ROBO1: variants seen among roughly 807,000 people sequenced by gnomAD.
ROBO1 encodes roundabout homolog 1.
ROBO1 carries 149 observed loss-of-function variants against 195.9 expected under a neutral mutation model. The observed-to-expected ratio is 0.76, with a 90% CI of 0.67 to 0.87. The LOEUF (loss-of-function observed/expected upper bound fraction) is 0.87. Ranked by LOEUF, ROBO1 falls within the 40% of genes least tolerant of loss-of-function variation. The pLI, the probability that ROBO1 is intolerant of heterozygous loss-of-function variation, is 0.00. For missense variants in ROBO1, 1,933 were observed against 2,068.3 expected (o/e 0.93, Z 1.27); for synonymous variants, 816 against 733.2 (o/e 1.11, Z -1.82).
intron 4 of ROBO1, among the ~76,000 whole-genome samples, chr3:78,864,992 T>G (rs1480826349): frequency 6.6e-6 from 1 of 152,194 alleles, no homozygotes; most frequent in Non-Finnish European, 1.5e-5. Flanking sequence ...TTGGTGGCAA[T>G]ATCTTTACTA....
intron 2 of ROBO1, among the ~76,000 whole-genome samples, chr3:79,425,813 C>T (rs2038422923): frequency 6.6e-6 from 1 of 152,032 alleles, no homozygotes; most frequent in African/African-American, 2.4e-5. Flanking sequence ...TCCCTAGCTA[C>T]AAATTGGAAT....
At chr3:78,830,737 G>A (rs772974597) in intron 4 of ROBO1, among the ~76,000 whole-genome samples, 1 of 152,110 alleles carries the variant, frequency 6.6e-6, no homozygotes, top group African/African-American at 2.4e-5. Context: ...TGAATTAGTA[G>A]AGGCAACAGG....
chr3:79,693,173 AAT>A (rs1440055440), intron 1 of ROBO1, among the ~76,000 whole-genome samples: 3 of 151,960 alleles, frequency 2.0e-5, no homozygotes, highest in African/African-American at 4.8e-5. Flanking sequence ...TGTACGAGAT[AAT>A]ATATGTGTAT....
chr3:79,366,262 G>T (rs1457449760), intron 2 of ROBO1, among the ~76,000 whole-genome samples: 2 of 152,134 alleles, frequency 1.3e-5, no homozygotes, highest in African/African-American at 4.8e-5. Flanking sequence ...AAGTTTTGCT[G>T]TTTATTACTC....
intron 2 of ROBO1, among the ~76,000 whole-genome samples, chr3:79,550,588 T>C (rs1942474675): frequency 6.6e-6 from 1 of 152,246 alleles, no homozygotes; most frequent in Non-Finnish European, 1.5e-5. Flanking sequence ...ACTTTCTTCC[T>C]AAGATTGGCT....
At chr3:79,457,656 T>C (rs2039662264) in intron 2 of ROBO1, among the ~76,000 whole-genome samples, 2 of 152,248 alleles carry the variant, frequency 1.3e-5, no homozygotes, top group East Asian at 1.9e-4. Context: ...GCTGCTGTCA[T>C]GATCTTGAAT....
intron 1 of ROBO1, among the ~76,000 whole-genome samples, chr3:79,666,210 G>T (rs1946471880): frequency 6.6e-6 from 1 of 151,788 alleles, no homozygotes; most frequent in Non-Finnish European, 1.5e-5. Flanking sequence ...ATACAATCTG[G>T]CTAGAAATAA....
rs190874659 is a variant in ROBO1 at position 79,415,738 on chromosome 3, C to T, written c.88+174086G>A. On this transcript the variant is annotated intron_variant, in intron 2 of 30. Coordinates refer to ENST00000464233, the MANE Select transcript of ROBO1 (RefSeq NM_002941.4). Reference sequence around the variant, plus strand: ...GGAAGCAGGAAGACCAGTTAGAAGACCATCTGATTATTTAGGTGAAAAAAT... The same window carrying T: ...GGAAGCAGGAAGACCAGTTAGAAGATCATCTGATTATTTAGGTGAAAAAAT... 4.7e-4 allele frequency among the ~76,000 whole-genome samples: 72 copies of T among 152,112 alleles called. No homozygotes were observed. In the East Asian group the frequency reaches 9.3e-3, roughly 20 times the overall value.
chr3:78,980,860 G>C (rs144496396), intron 3 of ROBO1, among the ~76,000 whole-genome samples: 1 of 152,242 alleles, frequency 6.6e-6, no homozygotes, highest in Non-Finnish European at 1.5e-5. Flanking sequence ...TATTAACTAT[G>C]AGGAAATAAT....
intron 11 of ROBO1, among the ~76,000 whole-genome samples, chr3:78,669,476 T>C (rs999845452): frequency 1.3e-5 from 2 of 152,118 alleles, no homozygotes; most frequent in Non-Finnish European, 2.9e-5. Context: ...CAGGAGCTCG[T>C]CTGATCTTGA....
At chr3:79,755,916 A>AC (rs1704371071) in intron 1 of ROBO1, among the ~76,000 whole-genome samples, 1 of 152,164 alleles carries the variant, frequency 6.6e-6, no homozygotes. Context: ...TGCCTTATTG[A>AC]CCACTTTGTA....
intron 1 of ROBO1, among the ~76,000 whole-genome samples, chr3:79,632,437 G>A (rs910403987): frequency 1.3e-5 from 2 of 152,104 alleles, no homozygotes; most frequent in Middle Eastern, 3.4e-3. Flanking sequence ...GGTACACATC[G>A]ACACACAGAA....
At chr3:79,021,062 G>A (rs1162113832) in intron 3 of ROBO1, among the ~76,000 whole-genome samples, 7 of 152,126 alleles carry the variant, frequency 4.6e-5, no homozygotes, top group African/African-American at 1.7e-4. Context: ...GGAAACTCTG[G>A]TTAACAGCAC....
rs1009662724 is a variant in ROBO1, at chr3:78,790,625, G to A, written c.500-43725C>T. ...CCCTGGTTCATTGCTTTTAATATTT[G>A]TATCAGTAAAGACATTCAGCTCCAG... On this transcript the variant is annotated intron_variant, in intron 4 of 30. Coordinates refer to ENST00000464233, the MANE Select transcript of ROBO1 (RefSeq NM_002941.4). Among the ~76,000 whole-genome samples, 5 of 151,920 alleles carry A rather than the reference G, an allele frequency of 3.3e-5. No individual in the cohort carries two copies. The South Asian group carries it at 1.0e-3, about 31-fold the overall frequency.
chr3:79,263,946 G>A (rs150084602), intron 2 of ROBO1, among the ~76,000 whole-genome samples: 45 of 152,074 alleles, frequency 3.0e-4, no homozygotes, highest in African/African-American at 1.0e-3. Context: ...TCATCATCAG[G>A]TTATTGAATT....
chr3:79,228,739 C>T (rs995834658), intron 2 of ROBO1, among the ~76,000 whole-genome samples: 1 of 151,984 alleles, frequency 6.6e-6, no homozygotes, highest in African/African-American at 2.4e-5. Context: ...ATTTGTTATC[C>T]TTACATTTCT....
At chr3:79,247,632 G>A (rs970393967) in intron 2 of ROBO1, among the ~76,000 whole-genome samples, 11 of 151,856 alleles carry the variant, frequency 7.2e-5, no homozygotes, top group African/African-American at 2.7e-4. Flanking sequence ...TTCAGCTGCT[G>A]ATCATAAATA....
At chr3:78,834,424 G>A (rs2032514900) in intron 4 of ROBO1, among the ~76,000 whole-genome samples, 1 of 149,422 alleles carries the variant, frequency 6.7e-6, no homozygotes, top group African/African-American at 2.5e-5. Flanking sequence ...GGGGGTCAGA[G>A]GAAGTAAATA....
At chr3:78,676,730 A>G (rs1035350779) in intron 10 of ROBO1, among the ~76,000 whole-genome samples, 2 of 152,238 alleles carry the variant, frequency 1.3e-5, no homozygotes, top group Non-Finnish European at 2.9e-5. Flanking sequence ...GGGAGAATGG[A>G]ACCAAGTTGA....
Sources: allele counts gnomAD v4.1 joint callset (sites outside exome capture counted in the v4.1 genomes callset), GRCh38; gene constraint gnomAD v4.1.1; transcripts MANE v1.5; gene names NCBI Gene and HGNC (gene_info 2026-07-23, HGNC 2026-07-21).